CUBN: variants seen among roughly 807,000 people sequenced by gnomAD.
The protein encoded by CUBN is 460 kDa receptor.
Under a neutral mutation model 405.3 loss-of-function variants are expected in CUBN, and 282 were observed. The ratio of observed to expected loss-of-function variants is 0.70; its 90% CI spans 0.63 to 0.77. CUBN has a LOEUF of 0.77. Among genes scored for constraint, CUBN ranks in the 30% least tolerant of loss-of-function variants. The probability of loss-of-function intolerance (pLI) is 0.00; values close to 1 mark genes in which losing one functional copy is unlikely to be tolerated. For synonymous variants in CUBN, 1,684 were observed against 1,617.0 expected (o/e 1.04, Z -0.99); for missense variants, 4,514 against 4,475.2 (o/e 1.01, Z -0.25).
Position 16,869,737 on chromosome 10 carries a change from G to T in CUBN, c.9353C>A (p.Pro3118Gln). ...LLGKFCGSKR[P>Q]PNVKSSNNSM... ...ATTATTGCTGCTCTTCACATTTGGT[G>T]GGCGCTTGGAACCGCAGAATTTGCC... The change falls in exon 59 of 67, where the codon CCA becomes CAA. Residue 3118 changes from proline (P) to glutamine (Q), a missense_variant. This residue lies in a region of CUBN where 1,186 missense variants were observed against 1,186.9 expected (regional missense o/e 1.00). Transcript: ENST00000377833. The T allele has an allele frequency of 6.2e-7, 1 of 1,614,052 alleles. No homozygotes were observed. The highest frequency in any genetic ancestry group is 8.5e-7 in the Non-Finnish European group (1 of 1,179,962).
At chr10:16,855,112 C>G (rs1346147855) in intron 59 of CUBN, among the ~76,000 whole-genome samples, 2 of 123,804 alleles carry the variant, frequency 1.6e-5, no homozygotes, top group Non-Finnish European at 3.3e-5. Context: ...TTCCTTCCTT[C>G]CTTCCTTCCT....
rs1837110293 is a variant in CUBN at position 17,124,070 on chromosome 10, TG to T, written c.388-382del. Among the ~76,000 whole-genome samples the T allele has an allele frequency of 3.3e-5, 5 of 152,158 alleles. No homozygotes were observed. The South Asian group carries it at 1.0e-3, about 32-fold the overall frequency. On this transcript the variant is annotated intron_variant, in intron 4 of 66. Coordinates refer to ENST00000377833, the MANE Select transcript of CUBN (RefSeq NM_001081.4). ...TTGCTATTGCACAAAGAAAATAAAA[TG>T]GAGATTCCGGTTATTTTACCGGTGA...
intron 60 of CUBN, among the ~76,000 whole-genome samples, chr10:16,841,371 G>T (rs1017471148): frequency 6.6e-6 from 1 of 152,026 alleles, no homozygotes; most frequent in African/African-American, 2.4e-5. Flanking sequence ...CTGATCTCTT[G>T]CCTAGATGAT....
intron 57 of CUBN, among the ~76,000 whole-genome samples, chr10:16,876,663 C>T (rs2131377315): frequency 6.6e-6 from 1 of 152,166 alleles, no homozygotes; most frequent in East Asian, 1.9e-4. Context: ...AAACAAATGT[C>T]AATTCTTCAT....
At chr10:17,080,891 C>A (rs556936661) in intron 17 of CUBN, among the ~76,000 whole-genome samples, 1 of 152,098 alleles carries the variant, frequency 6.6e-6, no homozygotes, top group Admixed American at 6.5e-5. Context: ...AAGCTCTCTT[C>A]GACAAAAACA....
At chr10:16,983,712 C>G (rs780693148) in intron 30 of CUBN, among the ~76,000 whole-genome samples, 1 of 152,162 alleles carries the variant, frequency 6.6e-6, no homozygotes, top group African/African-American at 2.4e-5. Context: ...AGAAAGTCAC[C>G]ATAGAACACA....
Position 17,103,122 on chromosome 10 carries a change from T to C in CUBN, c.1530+3A>G, listed in dbSNP as rs781657069. On this transcript the variant is annotated splice_donor_region_variant and intron_variant, in intron 13 of 66. Coordinates refer to ENST00000377833, the MANE Select transcript of CUBN (RefSeq NM_001081.4). The stretch of plus-strand genomic sequence containing the variant: ...GCATTTGGGCAAGAGTTACTACATT[T>C]ACCTTTCCCATTTCAGTTTTGATAA... The C allele has an allele frequency of 6.4e-7, 1 of 1,565,140 alleles. No individual in the cohort carries two copies.
chr10:17,036,960 A>G (rs1019031054), intron 27 of CUBN, among the ~76,000 whole-genome samples: 40 of 152,138 alleles, frequency 2.6e-4, no homozygotes, highest in Admixed American at 3.3e-4. Flanking sequence ...GCCTGCTAGA[A>G]AGCCGGCCTT....
chr10:17,058,709 C>G (rs1168470217), intron 22 of CUBN, among the ~76,000 whole-genome samples: 2 of 152,004 alleles, frequency 1.3e-5, no homozygotes, highest in African/African-American at 4.8e-5. Flanking sequence ...CTTCCCTTGA[C>G]AATATAAATG....
intron 31 of CUBN, among the ~76,000 whole-genome samples, chr10:16,969,816 C>T (rs116496758): frequency 7.4e-4 from 113 of 152,194 alleles, no homozygotes; most frequent in Middle Eastern, 3.4e-3. Context: ...TATTGTATTC[C>T]CAGAAGAGTA....
At chr10:16,928,085 G>C in intron 41 of CUBN, 72 bp downstream of exon 41, 1 of 1,537,346 alleles carries the variant, frequency 6.5e-7, no homozygotes, top group South Asian at 1.1e-5. Flanking sequence ...CATTATATTA[G>C]GAAGAGAGAA....
At chr10:17,030,914 G>A (rs889420171) in intron 27 of CUBN, among the ~76,000 whole-genome samples, 2 of 151,962 alleles carry the variant, frequency 1.3e-5, no homozygotes, top group African/African-American at 4.8e-5. Context: ...GTAAGACTCT[G>A]TCTCAAAAAT....
At chr10:17,111,153 A>G (rs1836763807) in intron 8 of CUBN, 103 bp from the exon 9 acceptor site, 1 of 1,313,260 alleles carries the variant, frequency 7.6e-7, no homozygotes, top group Non-Finnish European at 1.1e-6. Flanking sequence ...CTAAGGAACT[A>G]TAAAATAAAA....
chr10:16,879,381 C>T (rs1190773382), intron 56 of CUBN, among the ~76,000 whole-genome samples: 4 of 152,160 alleles, frequency 2.6e-5, no homozygotes, highest in Non-Finnish European at 4.4e-5. Context: ...TATTTCATGG[C>T]GATGCTAACT....
chr10:16,997,544 T>C (rs1321071227), intron 28 of CUBN, among the ~76,000 whole-genome samples: 2 of 151,798 alleles, frequency 1.3e-5, no homozygotes, highest in East Asian at 3.9e-4. Flanking sequence ...AACTAAGAGC[T>C]CAGAATCTGG....
intron 41 of CUBN, 71 bp downstream of exon 41, chr10:16,928,086 G>GAAGAGAGA (rs1028357091): frequency 2.7e-5 from 41 of 1,538,776 alleles, no homozygotes; most frequent in Middle Eastern, 2.3e-4. Context: ...ATTATATTAG[G>GAAGAGAGA]AAGAGAGAAA....
At chr10:16,831,487 C>A (rs1838991651) in intron 64 of CUBN, 70 bp from the exon 65 acceptor site, 6 of 1,325,410 alleles carry the variant, frequency 4.5e-6, no homozygotes, top group Non-Finnish European at 6.5e-6. Flanking sequence ...AAAATGGAGA[C>A]AATTTGAATG....
In CUBN at chr10:16,952,375, T is replaced by C. The variant is rs1038516680; in HGVS notation, c.4870A>G (p.Ile1624Val). 6.8e-6 allele frequency: 11 copies of C among 1,612,224 alleles called. No homozygotes were observed. The highest frequency in any genetic ancestry group is 1.7e-5 in the Admixed American group (1 of 60,016). Residue 1624 changes from isoleucine to valine, a missense_variant, in exon 33 of 67, where the codon ATC becomes GTC. By Grantham distance (29) the Ile-to-Val change is conservative (BLOSUM62 3). This residue lies in a region of CUBN where 1,613 missense variants were observed against 1,542.8 expected (regional missense o/e 1.05). Transcript: ENST00000377833. ...ACAGTATCAAATGAGCTGGTGAGGA[T>C]GTGGCCTCCGCAGGCTGGGGAACAC... ...AQFRQACGGH[I>V]LTSSFDTVSS...
chr10:16,914,088 C>A, intron 47 of CUBN, 96 bp from the exon 48 acceptor site: 2 of 1,339,360 alleles, frequency 1.5e-6, no homozygotes, highest in South Asian at 2.4e-5. Flanking sequence ...AAAAATTATC[C>A]TTCTAGATAA....
Sources: allele counts gnomAD v4.1 joint callset (sites outside exome capture counted in the v4.1 genomes callset), GRCh38; gene constraint gnomAD v4.1.1; regional missense constraint gnomAD v4.1.1; transcripts MANE v1.5; gene names NCBI Gene and HGNC (gene_info 2026-07-23, HGNC 2026-07-21).